Variants in PARD3 observed in about 807,000 individuals in gnomAD.
The protein encoded by PARD3 is partitioning defective 3 homolog.
Under a neutral mutation model 155.4 loss-of-function variants are expected in PARD3, and 75 were observed. The ratio of observed to expected loss-of-function variants is 0.48; its 90% confidence interval spans 0.40 to 0.58. PARD3 has a LOEUF of 0.58. Among genes scored for constraint, PARD3 ranks in the 20% least tolerant of loss-of-function variants. PARD3 has a pLI of 0.00. For missense variants in PARD3, 1,642 were observed against 1,721.7 expected (o/e 0.95, Z 0.82); for synonymous variants, 576 against 610.5 (o/e 0.94, Z 0.83).
At chr10:34,626,184 G>A (rs1564432535) in intron 2 of PARD3, among the ~76,000 whole-genome samples, 1 of 152,168 alleles carries the variant, frequency 6.6e-6, no homozygotes, top group Non-Finnish European at 1.5e-5. Flanking sequence ...ATTCAATGCA[G>A]CAAGATGCTG....
At chr10:34,784,500 T>A (rs1387476202) in intron 1 of PARD3, among the ~76,000 whole-genome samples, 1 of 151,686 alleles carries the variant, frequency 6.6e-6, no homozygotes, top group Non-Finnish European at 1.5e-5. Flanking sequence ...AGTGCAGTGG[T>A]GTAATCTTGG....
rs185605649 is a variant in PARD3 at position 34,569,539 on chromosome 10, T to G, written c.223-52380A>C. Reference sequence around the variant, plus strand: ...TTCATGCCATTCTCCTGCCTCAGCCTCCCGAGCAGCTGGGACTACAGGTGC... The same window carrying G: ...TTCATGCCATTCTCCTGCCTCAGCCGCCCGAGCAGCTGGGACTACAGGTGC... On this transcript the variant is annotated intron_variant, in intron 2 of 24. Coordinates refer to ENST00000374788, the MANE Select transcript of PARD3 (RefSeq NM_001184785.2). Among the ~76,000 whole-genome samples, 354 of 152,164 alleles carry G rather than the reference T, an allele frequency of 2.3e-3. 1 individual carries two copies. The highest frequency in any genetic ancestry group is 8.3e-3 in the African/African-American group (344 of 41,504).
At chr10:34,328,954 G>A (rs1324915358) in intron 19 of PARD3, among the ~76,000 whole-genome samples, 4 of 152,200 alleles carry the variant, frequency 2.6e-5, no homozygotes, top group Admixed American at 6.5e-5. Context: ...TAGGTGCAGC[G>A]TGTTTTAGGG....
chr10:34,474,066 T>C (rs2078537984), intron 3 of PARD3, among the ~76,000 whole-genome samples: 1 of 152,050 alleles, frequency 6.6e-6, no homozygotes. Context: ...TCAGGAGCCT[T>C]AGGTGGGAAG....
chr10:34,284,045 T>C, intron 21 of PARD3, 90 bp downstream of exon 21: 2 of 766,262 alleles, frequency 2.6e-6, no homozygotes, highest in East Asian at 2.6e-5. Context: ...TAATTAAATG[T>C]AAAATCTTTA....
intron 1 of PARD3, among the ~76,000 whole-genome samples, chr10:34,759,112 TAAAAAGAA>T (rs1045683248): frequency 6.0e-5 from 9 of 149,830 alleles, no homozygotes; most frequent in East Asian, 5.8e-4. Context: ...GAAACTTTTT[TAAAAAGAA>T]AAAAAGAAAA....
In PARD3 at chr10:34,672,997, C is replaced by T. The variant is rs565384175; in HGVS notation, c.222+23321G>A. Among the ~76,000 whole-genome samples the T allele has an allele frequency of 3.3e-5, 5 of 152,330 alleles. No homozygotes were observed. The East Asian group carries it at 9.6e-4, about 29-fold the overall frequency. On this transcript the variant is annotated intron_variant, in intron 2 of 24. Coordinates refer to ENST00000374788, the MANE Select transcript of PARD3 (RefSeq NM_001184785.2). ...TCTAGGATGATAAATTCCATCCTCTCTCTGACCTATATGTACTTCATTTCT... is the reference window on the plus strand; with the variant it reads ...TCTAGGATGATAAATTCCATCCTCTTTCTGACCTATATGTACTTCATTTCT...
At chr10:34,345,612 G>C in intron 15 of PARD3, 1 of 985,276 alleles carries the variant, frequency 1.0e-6, no homozygotes, top group Non-Finnish European at 1.2e-6. Context: ...TATTGGTTTA[G>C]GCGAATGGAA....
At chr10:34,606,765 C>A (rs553059658) in intron 2 of PARD3, among the ~76,000 whole-genome samples, 1 of 151,048 alleles carries the variant, frequency 6.6e-6, no homozygotes, top group African/African-American at 2.4e-5. Flanking sequence ...GTCAAGAGAT[C>A]GAGACCATCC....
intron 22 of PARD3, among the ~76,000 whole-genome samples, chr10:34,174,346 A>G (rs1445382906): frequency 6.6e-6 from 1 of 152,252 alleles, no homozygotes; most frequent in African/African-American, 2.4e-5. Flanking sequence ...CTTGCAATCT[A>G]GATGGGAAGA....
intron 1 of PARD3, among the ~76,000 whole-genome samples, chr10:34,756,445 G>A (rs1475956775): frequency 2.3e-4 from 29 of 124,986 alleles, no homozygotes; most frequent in Non-Finnish European, 3.4e-4. Flanking sequence ...GAGCCACCGC[G>A]CCCAGCCAAT....
chr10:34,673,741 A>G (rs2093648545), intron 2 of PARD3, among the ~76,000 whole-genome samples: 2 of 152,182 alleles, frequency 1.3e-5, no homozygotes, highest in South Asian at 4.1e-4. Flanking sequence ...ACTACAAACA[A>G]GAGACAGAGA....
chr10:34,206,065 A>G (rs1486385812), intron 22 of PARD3, among the ~76,000 whole-genome samples: 1 of 152,176 alleles, frequency 6.6e-6, no homozygotes, highest in Non-Finnish European at 1.5e-5. Context: ...TGGATCATTT[A>G]AAAAACCCTT....
At chr10:34,405,217 T>C (rs184687380) in intron 5 of PARD3, among the ~76,000 whole-genome samples, 231 of 152,114 alleles carry the variant, frequency 1.5e-3, no homozygotes, top group Non-Finnish European at 2.3e-3. Flanking sequence ...ACCCAACAAA[T>C]GGTTATTTTA....
chr10:34,787,179 A>T (rs1314702407), intron 1 of PARD3, among the ~76,000 whole-genome samples: 1 of 152,158 alleles, frequency 6.6e-6, no homozygotes, highest in Non-Finnish European at 1.5e-5. Context: ...CAGGAGTTGG[A>T]GACCAGCTGA....
intron 3 of PARD3, among the ~76,000 whole-genome samples, chr10:34,485,915 TG>T (rs1589744245): frequency 1.4e-5 from 2 of 144,816 alleles, no homozygotes; most frequent in Admixed American, 6.8e-5. Context: ...TTAAACGTTT[TG>T]GGTTTTTTTT....
intron 3 of PARD3, among the ~76,000 whole-genome samples, chr10:34,514,139 T>A (rs188848254): frequency 1.4e-4 from 21 of 152,262 alleles, no homozygotes; most frequent in Admixed American, 1.3e-3. Context: ...AAAAAATACA[T>A]ACTCTATATA....
At chr10:34,422,826 T>A (rs1044648932) in intron 5 of PARD3, among the ~76,000 whole-genome samples, 2 of 152,080 alleles carry the variant, frequency 1.3e-5, no homozygotes, top group Non-Finnish European at 2.9e-5. Flanking sequence ...TTGCATTCTG[T>A]TGGTGTGAAT....
At chr10:34,684,611 G>A (rs1346827121) in intron 2 of PARD3, among the ~76,000 whole-genome samples, 3 of 151,990 alleles carry the variant, frequency 2.0e-5, no homozygotes, top group African/African-American at 4.8e-5. Flanking sequence ...GCCTGCATTC[G>A]AATCCTGGTT....
Sources: allele counts gnomAD v4.1 joint callset (sites outside exome capture counted in the v4.1 genomes callset), GRCh38; gene constraint gnomAD v4.1.1; transcripts MANE v1.5; gene names NCBI Gene and HGNC (gene_info 2026-07-23, HGNC 2026-07-21).